Variants in UNC13C observed in about 807,000 individuals in gnomAD.
UNC13C encodes unc-13 homolog C.
UNC13C carries 174 observed loss-of-function variants against 245.4 expected under a neutral mutation model. The observed-to-expected ratio is 0.71, with a 90% confidence interval of 0.63 to 0.80. The LOEUF is 0.80. UNC13C is among the 30% of genes least tolerant of loss of function. The pLI is 0.00. For missense variants in UNC13C, 2,829 were observed against 2,602.9 expected, an observed-to-expected ratio of 1.09 and a Z score of -1.89; for synonymous variants, 992 against 895.1, an observed-to-expected ratio of 1.11 and a Z score of -1.93.
intron 26 of UNC13C, 92 bp downstream of exon 26, chr15:54,533,158 T>A: frequency 2.1e-6 from 2 of 972,202 alleles, no homozygotes; most frequent in Non-Finnish European, 3.0e-6. Flanking sequence ...CTGTGTAAGG[T>A]AGCATTAAAA....
the UNC13C span, among the ~76,000 whole-genome samples, chr15:53,860,901 G>A: frequency 1.3e-4 from 20 of 152,286 alleles, no homozygotes; most frequent in African/African-American, 4.6e-4. Context: ...GTGATCAACT[G>A]AAGTTCCTAG....
chr15:54,626,836 G>A lies in UNC13C; in HGVS notation c.6368G>A (p.Gly2123Glu), dbSNP rs1901193892. ...KYNETFQFIL[G>E]KENRPGAYEL... ...ATTTTTAATCCACACAGCATTCTCG[G>A]AAAGGAAAATCGACCAGGGGCTTAT... Residue 2123 changes from glycine (G) to glutamate (E), a missense_variant, in exon 33 of 33, where the codon GGA becomes GAA. Transcript: ENST00000260323. The A allele has an allele frequency of 6.2e-7, 1 of 1,611,030 alleles. No homozygotes were observed. Among genetic ancestry groups the A allele is most frequent in the African/African-American group, 1.3e-5 (1 of 74,882 alleles).
chr15:54,629,971 T>A (rs1441080751), downstream of UNC13C: 1 of 152,202 alleles, frequency 6.6e-6, no homozygotes, highest in Non-Finnish European at 1.5e-5. Flanking sequence ...AAAGCACAAG[T>A]ATTCCCGTTG....
chr15:54,006,938 T>A (rs1895165386), intron 1 of UNC13C, among the ~76,000 whole-genome samples: 1 of 152,184 alleles, frequency 6.6e-6, no homozygotes, highest in African/African-American at 2.4e-5. Flanking sequence ...GTTGCACCTT[T>A]TCTGCACTTT....
intron 2 of UNC13C, among the ~76,000 whole-genome samples, chr15:54,136,742 G>A (rs1327894342): frequency 6.6e-6 from 1 of 151,984 alleles, no homozygotes; most frequent in Non-Finnish European, 1.5e-5. Context: ...TTTGCTAAGA[G>A]TTTTTATCAT....
chr15:54,387,375 A>G (rs553108296), intron 17 of UNC13C, among the ~76,000 whole-genome samples: 1 of 152,308 alleles, frequency 6.6e-6, no homozygotes, highest in African/African-American at 2.4e-5. Flanking sequence ...GATAACTTCC[A>G]GGCATTGCCA....
intron 19 of UNC13C, among the ~76,000 whole-genome samples, chr15:54,488,108 G>A (rs903097178): frequency 2.0e-5 from 3 of 151,864 alleles, no homozygotes; most frequent in African/African-American, 7.3e-5. Context: ...CTAATTACAT[G>A]GCTTACCATT....
intron 19 of UNC13C, among the ~76,000 whole-genome samples, chr15:54,481,308 G>T (rs762438398): frequency 8.5e-5 from 13 of 152,270 alleles, no homozygotes; most frequent in Non-Finnish European, 1.5e-4. Flanking sequence ...CATGAGTGGT[G>T]CATGCTGGAG....
chr15:54,532,051 T>C (rs1252640422), intron 25 of UNC13C, among the ~76,000 whole-genome samples: 2 of 152,172 alleles, frequency 1.3e-5, no homozygotes, highest in Non-Finnish European at 2.9e-5. Flanking sequence ...TTCAGGGGTA[T>C]ATGTGCAGGT....
intron 19 of UNC13C, among the ~76,000 whole-genome samples, chr15:54,443,347 T>A (rs1320661112): frequency 6.6e-6 from 1 of 152,072 alleles, no homozygotes; most frequent in East Asian, 1.9e-4. Context: ...TTTTATCTTT[T>A]CAAAAATCCA....
At chr15:54,100,343 G>A (rs1022279617) in intron 2 of UNC13C, among the ~76,000 whole-genome samples, 3 of 151,940 alleles carry the variant, frequency 2.0e-5, no homozygotes, top group African/African-American at 7.3e-5. Context: ...AGCATAACTG[G>A]TTACTCTCTG....
intron 29 of UNC13C, among the ~76,000 whole-genome samples, chr15:54,559,409 A>G (rs752617984): frequency 6.6e-6 from 1 of 151,866 alleles, no homozygotes; most frequent in Non-Finnish European, 1.5e-5. Context: ...TCTTCTTTTC[A>G]CCATTACAAG....
At chr15:54,401,997 C>CAATAT (rs1034420682) in intron 18 of UNC13C, among the ~76,000 whole-genome samples, 3 of 151,110 alleles carry the variant, frequency 2.0e-5, no homozygotes, top group Admixed American at 6.6e-5. Flanking sequence ...ATAACTAACC[C>CAATAT]AATATAATAT....
upstream of UNC13C, among the ~76,000 whole-genome samples, chr15:53,977,428 C>G (rs923329308): frequency 6.6e-6 from 1 of 152,272 alleles, no homozygotes; most frequent in Middle Eastern, 3.4e-3. Context: ...TCAGTCAAGA[C>G]ATATTCATCC....
chr15:54,481,022 C>A (rs962375133), intron 19 of UNC13C, among the ~76,000 whole-genome samples: 3 of 152,118 alleles, frequency 2.0e-5, no homozygotes, highest in Non-Finnish European at 4.4e-5. Flanking sequence ...CTCTCAAAAC[C>A]TATGTAACTA....
intron 4 of UNC13C, among the ~76,000 whole-genome samples, chr15:54,152,862 A>G (rs2032582101): frequency 6.6e-6 from 1 of 152,162 alleles, no homozygotes; most frequent in Admixed American, 6.5e-5. Flanking sequence ...AGAGAGAAAA[A>G]AAAAAGAGGA....
At chr15:53,853,925 G>A in the UNC13C span, among the ~76,000 whole-genome samples, 3 of 151,820 alleles carry the variant, frequency 2.0e-5, no homozygotes, top group Admixed American at 6.6e-5. Context: ...TTGCAAAAAT[G>A]TTCTCCCATT....
chr15:54,038,124 A>ATATTTTTTTTTTTTTTTTTTT, intron 2 of UNC13C, among the ~76,000 whole-genome samples: 9 of 45,030 alleles, frequency 2.0e-4, no homozygotes, highest in African/African-American at 5.3e-4. Flanking sequence ...ATATATATAT[A>ATATTTTTTTTTTTTTTTTTTT]TTTTTTTTTT....
chr15:54,237,359 G>C (rs2035728743), intron 6 of UNC13C, among the ~76,000 whole-genome samples: 1 of 152,082 alleles, frequency 6.6e-6, no homozygotes, highest in Admixed American at 6.6e-5. Context: ...CTTAAGACTG[G>C]TCATCTTGCC....
Sources: gnomAD v4.1 joint callset for allele counts (sites outside exome capture counted in the v4.1 genomes callset) on GRCh38, gnomAD v4.1.1 for gene constraint, MANE v1.5 for transcripts, NCBI Gene and HGNC (gene_info 2026-07-23, HGNC 2026-07-21) for gene names.